The following GALNTL6 variants were observed in gnomAD, a reference collection of about 807,000 sequenced individuals.
GALNTL6 encodes polypeptide N-acetylgalactosaminyltransferase like 6.
A neutral mutation model predicts 73.7 loss-of-function variants in GALNTL6; 46 were observed. That is an observed-to-expected ratio of 0.62 (90% confidence interval 0.49 to 0.80). GALNTL6 has a LOEUF of 0.80. Ranked by LOEUF, GALNTL6 falls within the 30% of genes least tolerant of loss-of-function variation. The probability of loss-of-function intolerance (pLI) is 0.00; values close to 1 mark genes in which losing one functional copy is unlikely to be tolerated. For missense variants in GALNTL6, 604 were observed against 755.0 expected, an observed-to-expected ratio of 0.80 and a Z score of 2.34; for synonymous variants, 259 against 263.7, an observed-to-expected ratio of 0.98 and a Z score of 0.17.
At chr4:172,958,047 C>T (rs564654267) in intron 10 of GALNTL6, among the ~76,000 whole-genome samples, 6 of 152,130 alleles carry the variant, frequency 3.9e-5, no homozygotes, top group South Asian at 4.1e-4. Context: ...GATTGAAGTC[C>T]GGGCCAGAAA....
At chr4:172,207,017 C>A (rs1191781498) in intron 2 of GALNTL6, among the ~76,000 whole-genome samples, 1 of 150,952 alleles carries the variant, frequency 6.6e-6, no homozygotes. Flanking sequence ...CGGGGTTTCA[C>A]CATGTTAGCC....
intron 2 of GALNTL6, among the ~76,000 whole-genome samples, chr4:171,886,338 A>G (rs1736607752): frequency 6.6e-6 from 1 of 152,194 alleles, no homozygotes; most frequent in Admixed American, 6.5e-5. Flanking sequence ...CATAATGACA[A>G]AAGAGCTAAT....
intron 2 of GALNTL6, among the ~76,000 whole-genome samples, chr4:171,996,967 C>A (rs557823341): frequency 6.6e-6 from 1 of 152,086 alleles, no homozygotes; most frequent in African/African-American, 2.4e-5. Context: ...AGAGGCATAA[C>A]AAACAACATT....
At chr4:172,173,296 A>T (rs1734891842) in intron 2 of GALNTL6, among the ~76,000 whole-genome samples, 1 of 152,218 alleles carries the variant, frequency 6.6e-6, no homozygotes, top group Non-Finnish European at 1.5e-5. Flanking sequence ...ATGACGGCAT[A>T]TATCCAGTCA....
chr4:172,321,724 A>G (rs571433947), intron 4 of GALNTL6, among the ~76,000 whole-genome samples: 1 of 152,338 alleles, frequency 6.6e-6, no homozygotes, highest in African/African-American at 2.4e-5. Flanking sequence ...AACTGATAGA[A>G]GGAAGAAATA....
At chr4:172,572,174 A>G (rs1247840819) in intron 5 of GALNTL6, among the ~76,000 whole-genome samples, 3 of 152,138 alleles carry the variant, frequency 2.0e-5, no homozygotes, top group African/African-American at 7.2e-5. Context: ...CTCTCTGTAC[A>G]ATCTATGATG....
chr4:171,982,369 C>T (rs867147541), intron 2 of GALNTL6, among the ~76,000 whole-genome samples: 7 of 152,244 alleles, frequency 4.6e-5, no homozygotes, highest in Admixed American at 6.5e-5. Flanking sequence ...GCGATCTCGG[C>T]CCACTGCAAG....
chr4:172,448,787 T>A (rs1732113855), intron 5 of GALNTL6, among the ~76,000 whole-genome samples: 1 of 152,164 alleles, frequency 6.6e-6, no homozygotes, highest in Non-Finnish European at 1.5e-5. Flanking sequence ...CAGGCCCTTC[T>A]GGAACCTGCT....
chr4:172,941,449 G>T (rs1476615671), intron 9 of GALNTL6, among the ~76,000 whole-genome samples: 2 of 152,078 alleles, frequency 1.3e-5, no homozygotes, highest in African/African-American at 4.8e-5. Context: ...TTTCCAGTTT[G>T]TTTTGGTTAT....
intron 2 of GALNTL6, among the ~76,000 whole-genome samples, chr4:171,982,019 A>G (rs888789061): frequency 2.6e-4 from 39 of 152,148 alleles, no homozygotes; most frequent in Admixed American, 1.3e-4. Context: ...GGGTAATCTT[A>G]TAGTCAGTCT....
intron 2 of GALNTL6, among the ~76,000 whole-genome samples, chr4:171,929,940 G>A (rs1355157096): frequency 6.6e-6 from 1 of 152,178 alleles, no homozygotes; most frequent in African/African-American, 2.4e-5. Context: ...TCTGCCCCGT[G>A]TCCCCAGAAA....
intron 12 of GALNTL6, among the ~76,000 whole-genome samples, chr4:173,032,609 T>C (rs1316403154): frequency 2.0e-5 from 3 of 152,092 alleles, no homozygotes; most frequent in Non-Finnish European, 4.4e-5. Context: ...TGTTTGAGCC[T>C]GGGATGTCGA....
At chr4:173,021,888 G>C (rs563981422) in intron 12 of GALNTL6, among the ~76,000 whole-genome samples, 1 of 152,062 alleles carries the variant, frequency 6.6e-6, no homozygotes, top group African/African-American at 2.4e-5. Flanking sequence ...AGCTACTCAG[G>C]AGGCTGAGGC....
intron 5 of GALNTL6, among the ~76,000 whole-genome samples, chr4:172,376,409 C>G (rs556472022): frequency 6.6e-6 from 1 of 152,092 alleles, no homozygotes; most frequent in Non-Finnish European, 1.5e-5. Context: ...GTTGTCGGCA[C>G]CCCGGAGCTG....
chr4:172,088,093 T>A (rs868079107), intron 2 of GALNTL6, among the ~76,000 whole-genome samples: 3 of 152,278 alleles, frequency 2.0e-5, no homozygotes, highest in African/African-American at 7.2e-5. Flanking sequence ...TAATTGCCCA[T>A]CATTCTTCCA....
intron 5 of GALNTL6, among the ~76,000 whole-genome samples, chr4:172,783,384 T>C (rs1277480539): frequency 6.8e-6 from 1 of 147,534 alleles, no homozygotes; most frequent in African/African-American, 2.5e-5. Flanking sequence ...TATTATACAC[T>C]ATTTATAATA....
intron 2 of GALNTL6, among the ~76,000 whole-genome samples, chr4:171,901,579 T>G (rs1020222154): frequency 1.3e-5 from 2 of 152,220 alleles, no homozygotes; most frequent in African/African-American, 4.8e-5. Flanking sequence ...GACCAGACCA[T>G]GTTCATGTTT....
rs534028516 is a variant in GALNTL6, at chr4:172,394,633, C to T, written c.553+45944C>T. On this transcript the variant is annotated intron_variant, in intron 5 of 12. Transcript: ENST00000506823. ...TTTTAGTAGAGATGGGGTTTCACAA[C>T]GTTGGCCAGGCTGGTCTCGAACTCC... 3.5e-3 allele frequency among the ~76,000 whole-genome samples: 532 copies of T among 151,786 alleles called. 2 individuals carry two copies. Among genetic ancestry groups the T allele is most frequent in the African/African-American group, 0.012 (491 of 41,402 alleles).
chr4:171,944,669 T>A (rs1738648589), intron 2 of GALNTL6, among the ~76,000 whole-genome samples: 1 of 152,004 alleles, frequency 6.6e-6, no homozygotes, highest in South Asian at 2.1e-4. Flanking sequence ...GAGAGTTATA[T>A]TTAAGTTTCC....
Sources: allele counts gnomAD v4.1 joint callset (sites outside exome capture counted in the v4.1 genomes callset), GRCh38; gene constraint gnomAD v4.1.1; transcripts MANE v1.5; gene names NCBI Gene and HGNC (gene_info 2026-07-23, HGNC 2026-07-21).